PTPRN: variants seen among roughly 807,000 people sequenced by gnomAD.
The protein encoded by PTPRN is receptor-type tyrosine-protein phosphatase-like N.
A neutral mutation model predicts 108.5 loss-of-function variants in PTPRN; 70 were observed. That is an observed-to-expected ratio of 0.65 (90% CI 0.53 to 0.79). The LOEUF (loss-of-function observed/expected upper bound fraction) is 0.79. PTPRN is among the 30% of genes least tolerant of loss of function. The pLI is 0.00. For missense variants in PTPRN, 1,136 were observed against 1,295.5 expected (o/e 0.88, Z 1.89); for synonymous variants, 496 against 524.6 (o/e 0.95, Z 0.75).
At chr2:219,295,340 C>T (rs1013378175) in intron 18 of PTPRN, 199 bp from the exon 19 acceptor site, 1 of 564,932 alleles carries the variant, frequency 1.8e-6, no homozygotes, top group African/African-American at 2.0e-5. Context: ...AGCTTTTCCA[C>T]CCAGACACAG....
intron 8 of PTPRN, 109 bp from the exon 9 acceptor site, chr2:219,300,368 C>A (rs1952314832): frequency 8.4e-7 from 1 of 1,189,358 alleles, no homozygotes; most frequent in Admixed American, 2.9e-5. Flanking sequence ...TCACTTTCTA[C>A]CCCCAGGGAC....
At chr2:219,303,551 G>T (rs1442573318) in intron 4 of PTPRN, among the ~76,000 whole-genome samples, 184 bp downstream of exon 4, 1 of 152,198 alleles carries the variant, frequency 6.6e-6, no homozygotes, top group Non-Finnish European at 1.5e-5. Context: ...TGGATCCCTA[G>T]AGATGAGCTC....
At position 219,297,240 on chromosome 2, in the gene PTPRN, A is replaced by G; in HGVS notation, c.2081T>C (p.Met694Thr). The G allele has an allele frequency of 3.7e-6, 6 of 1,613,832 alleles. No individual in the cohort carries two copies. The highest frequency in any genetic ancestry group is 5.1e-6 in the Non-Finnish European group (6 of 1,179,896). The change falls in exon 14 of 23, where the codon ATG (methionine) becomes ACG (threonine). Residue 694 changes from methionine to threonine, a missense_variant. Met to Thr is a moderately conservative substitution (Grantham distance 81). Coordinates refer to ENST00000295718, the MANE Select transcript of PTPRN (RefSeq NM_002846.4). This position sits in a 1 kb window ranked among gnomAD's most constrained non-coding sequence, Gnocchi z 6.0. ...CCCAGGCCCTGTCCTGACCAGAATCATGTGTCCCGTGGAGATGTCCATGTT... is the reference window on the plus strand; with the variant it reads ...CCCAGGCCCTGTCCTGACCAGAATCGTGTGTCCCGTGGAGATGTCCATGTT... ...QANMDISTGHMILAYMEDHLR... is the reference protein window; with the variant it reads ...QANMDISTGHTILAYMEDHLR...
rs753138261 is a variant in PTPRN at position 219,302,489 on chromosome 2, A to C, written c.642T>G (p.Phe214Leu). The C allele has an allele frequency of 5.6e-6, 9 of 1,613,736 alleles. No individual in the cohort carries two copies. In the African/African-American group the frequency reaches 1.2e-4, roughly 22 times the overall value. The change falls in exon 6 of 23, where the codon TTT (phenylalanine) becomes TTG (leucine). Residue 214 changes from phenylalanine to leucine, a missense_variant and splice_region_variant. Coordinates refer to ENST00000295718, the MANE Select transcript of PTPRN (RefSeq NM_002846.4). ...ALLQPYLFHQ[F>L]GSRDGSRVSE... ...AGACCCTGGAGCCATCACGGGAGCC[A>C]AACTGTGGAAAACCAGAGATCTGGG...
In PTPRN at chr2:219,299,693, G is replaced by C; in HGVS notation, c.1523+7C>G. On this transcript the variant is annotated splice_region_variant and intron_variant, in intron 10 of 22. Transcript: ENST00000295718. ...CGGCCACTGCCCTAGCAAGATGCCA[G>C]CCCCACCTGATGTTGATGAAGCTGC... 6.3e-7 allele frequency: 1 copy of C among 1,589,854 alleles called. No individual in the cohort carries two copies. The highest frequency in any genetic ancestry group is 1.7e-5 in the Admixed American group (1 of 57,600).
rs112070981 is a variant in PTPRN at position 219,296,395 on chromosome 2, G to A, written c.2388+44C>T. On this transcript the variant is annotated intron_variant, in intron 17 of 22. Transcript: ENST00000295718. This position sits in a 1 kb window ranked among gnomAD's most constrained non-coding sequence, Gnocchi z 6.0. ...TCCACTCTAACCTCCCTGGGACCTC[G>A]TGGCCACAAGGACCCCAGCGAAGCC... is the stretch of plus-strand genomic sequence containing the variant. 6.2e-4 allele frequency: 1,006 copies of A among 1,613,988 alleles called. 13 individuals are homozygous for A. In the African/African-American group the frequency reaches 0.011, roughly 18 times the overall value.
intron 19 of PTPRN, 76 bp from the exon 20 acceptor site, chr2:219,291,599 G>A: frequency 2.1e-6 from 3 of 1,435,138 alleles, no homozygotes; most frequent in Admixed American, 1.7e-5. Flanking sequence ...CATGACGTGG[G>A]CCTCTCTTTC....
chr2:219,301,742 C>A, intron 6 of PTPRN, 23 bp from the exon 7 acceptor site: 1 of 1,592,880 alleles, frequency 6.3e-7, no homozygotes, highest in South Asian at 1.1e-5. Context: ...AGACACAGAG[C>A]TTAGGGCTGA....
At position 219,302,829 on chromosome 2, in the gene PTPRN, A is replaced by G. The variant is rs145544537; in HGVS notation, c.386T>C (p.Leu129Ser). The change falls in exon 5 of 23, where the codon TTG (leucine) becomes TCG (serine). Residue 129 changes from leucine to serine, a missense_variant. Coordinates refer to ENST00000295718, the MANE Select transcript of PTPRN (RefSeq NM_002846.4). Reference sequence around the variant, plus strand: ...AGCAGGACCAGGTCTCTTGGGTGCCAAGCCAGACCTGTAGAGGAAAGCAAA... The same window carrying G: ...AGCAGGACCAGGTCTCTTGGGTGCCGAGCCAGACCTGTAGAGGAAAGCAAA... ...PEPRPRDRSG[L>S]APKRPGPAGE... The G allele has an allele frequency of 1.5e-5, 24 of 1,611,352 alleles. No homozygotes were observed. The highest frequency in any genetic ancestry group is 1.7e-5 in the Non-Finnish European group (20 of 1,179,364).
chr2:219,297,435 T>A lies in PTPRN; in HGVS notation c.1888-2A>T. On this transcript the variant is annotated splice_acceptor_variant, in intron 13 of 22. Coordinates refer to ENST00000295718, the MANE Select transcript of PTPRN (RefSeq NM_002846.4). LOFTEE classifies it high-confidence loss of function. The surrounding 1 kb of genome is among the most constrained non-coding windows in gnomAD (Gnocchi z 6.0). ...GGCCATGTGCTGGCGGCACAGGTCC[T>A]GTGGAGGAAGAATCAGGTGAGGTCC... 2 of 1,614,048 alleles carry A rather than the reference T, an allele frequency of 1.2e-6. No homozygotes were observed. The highest frequency in any genetic ancestry group is 1.7e-6 in the Non-Finnish European group (2 of 1,180,016).
intron 3 of PTPRN, among the ~76,000 whole-genome samples, chr2:219,304,582 G>T (rs956705638): frequency 6.6e-6 from 1 of 151,964 alleles, no homozygotes; most frequent in East Asian, 1.9e-4. Context: ...TCTAGTTCTG[G>T]ATTTAAAATC....
At chr2:219,308,164 A>T (rs1282707706) in intron 1 of PTPRN, 3 of 340,598 alleles carry the variant, frequency 8.8e-6, no homozygotes, top group African/African-American at 4.4e-5. Context: ...ATTCTGAAAG[A>T]GGAATTTCCT....
At chr2:219,308,449 C>A (rs577242864) in intron 1 of PTPRN, 9 of 201,260 alleles carry the variant, frequency 4.5e-5, no homozygotes, top group Non-Finnish European at 8.3e-5. Flanking sequence ...TGTATTCTGC[C>A]AACCCACAGC....
At chr2:219,299,951 C>A in intron 9 of PTPRN, 34 bp downstream of exon 9, 1 of 1,611,624 alleles carries the variant, frequency 6.2e-7, no homozygotes. Flanking sequence ...CAAATCCTAG[C>A]AGACCAGAAA....
chr2:219,291,064 C>A (rs116410751), intron 20 of PTPRN, among the ~76,000 whole-genome samples, 174 bp from the exon 21 acceptor site: 1 of 152,072 alleles, frequency 6.6e-6, no homozygotes, highest in South Asian at 2.1e-4. Flanking sequence ...AGCACCTGCA[C>A]GCTGGGACTT....
At chr2:219,301,143 C>T (rs1459183778) in intron 7 of PTPRN, among the ~76,000 whole-genome samples, 166 bp from the exon 8 acceptor site, 1 of 152,190 alleles carries the variant, frequency 6.6e-6, no homozygotes, top group African/African-American at 2.4e-5. Flanking sequence ...AGCCTGGCCT[C>T]ATTCCTTTTT....
At chr2:219,300,294 C>T in intron 8 of PTPRN, 35 bp from the exon 9 acceptor site, 1 of 1,526,206 alleles carries the variant, frequency 6.6e-7, no homozygotes, top group South Asian at 1.3e-5. Context: ...GGCCTCTGGA[C>T]AGTGCTGGGG....
At chr2:219,309,176 TCCCC>T in intron 1 of PTPRN, 38 bp downstream of exon 1, 41 of 1,364,222 alleles carry the variant, frequency 3.0e-5, no homozygotes, top group Non-Finnish European at 3.8e-5. Context: ...CCCAAGCTGC[TCCCC>T]GCCCCCCACC....
intron 1 of PTPRN, chr2:219,308,249 G>T: frequency 5.2e-6 from 1 of 192,816 alleles, no homozygotes. Context: ...CCGGTCGGGG[G>T]AAAGAGGGCA....
Sources: allele counts gnomAD v4.1 joint callset (sites outside exome capture counted in the v4.1 genomes callset), GRCh38; gene constraint gnomAD v4.1.1; non-coding constraint Gnocchi (gnomAD v3.1); transcripts MANE v1.5; gene names NCBI Gene and HGNC (gene_info 2026-07-23, HGNC 2026-07-21).